Variants in ZSWIM6 observed in about 807,000 individuals in gnomAD.
ZSWIM6 encodes the protein zinc finger SWIM-type containing 6.
In ZSWIM6, 9 loss-of-function variants were observed where a neutral mutation model predicts 113.2. The observed-to-expected ratio is 0.08, with a 90% CI of 0.05 to 0.14. ZSWIM6 has a LOEUF of 0.14. ZSWIM6 is among the 10% of genes least tolerant of loss of function. The pLI is 1.00. For missense variants in ZSWIM6, 1,162 were observed against 1,552.2 expected, an observed-to-expected ratio of 0.75 and a Z score of 4.22; for synonymous variants, 611 against 606.5, an observed-to-expected ratio of 1.01 and a Z score of -0.11.
chr5:61,528,121 C>T lies in ZSWIM6; in HGVS notation c.1837+1725C>T, dbSNP rs189973849. On this transcript the variant is annotated intron_variant, in intron 7 of 13. Coordinates refer to ENST00000252744, the MANE Select transcript of ZSWIM6 (RefSeq NM_020928.2). Reference sequence around the variant, plus strand: ...ACTTTATTTTTGGTAATTGTTTTTCCGTATTTTAAAAATAGGCTTTTCCAT... The same window carrying T: ...ACTTTATTTTTGGTAATTGTTTTTCTGTATTTTAAAAATAGGCTTTTCCAT... 4.5e-4 allele frequency among the ~76,000 whole-genome samples: 68 copies of T among 151,840 alleles called. 1 individual carries two copies. Among genetic ancestry groups the T allele is most frequent in the South Asian group, 1.0e-3 (5 of 4,794 alleles).
chr5:61,417,649 A>T (rs1746283377), intron 1 of ZSWIM6, among the ~76,000 whole-genome samples: 1 of 152,238 alleles, frequency 6.6e-6, no homozygotes, highest in African/African-American at 2.4e-5. Context: ...TCATTACTGT[A>T]GCTAATCGGA....
At chr5:61,542,385 G>A (rs926538867) in intron 13 of ZSWIM6, among the ~76,000 whole-genome samples, 5 of 152,174 alleles carry the variant, frequency 3.3e-5, no homozygotes, top group African/African-American at 1.2e-4. Flanking sequence ...GCCATAAGAA[G>A]ATTTCCTGGC....
At chr5:61,343,247 A>T (rs932654957) in intron 1 of ZSWIM6, among the ~76,000 whole-genome samples, 3 of 152,186 alleles carry the variant, frequency 2.0e-5, no homozygotes, top group Non-Finnish European at 4.4e-5. Context: ...CTAACTGAAT[A>T]AGCTGATCAG....
intron 1 of ZSWIM6, among the ~76,000 whole-genome samples, chr5:61,345,368 G>T (rs918838390): frequency 2.0e-5 from 3 of 152,200 alleles, no homozygotes; most frequent in South Asian, 4.1e-4. Flanking sequence ...ATACACCCTA[G>T]AGCCAGTGTT....
chr5:61,406,529 A>G (rs181808794), intron 1 of ZSWIM6, among the ~76,000 whole-genome samples: 2 of 152,208 alleles, frequency 1.3e-5, no homozygotes, highest in Admixed American at 6.5e-5. Flanking sequence ...TGTTTTAACA[A>G]TGTTTTCAAC....
At chr5:61,469,474 GT>G (rs1332124080) in intron 1 of ZSWIM6, among the ~76,000 whole-genome samples, 2 of 152,114 alleles carry the variant, frequency 1.3e-5, no homozygotes, top group Non-Finnish European at 2.9e-5. Flanking sequence ...AATTTAAATT[GT>G]TTTGGAGGTC....
At chr5:61,483,750 G>A (rs1747941863) in intron 2 of ZSWIM6, among the ~76,000 whole-genome samples, 1 of 150,970 alleles carries the variant, frequency 6.6e-6, no homozygotes, top group Non-Finnish European at 1.5e-5. Context: ...GGTGGCGGCT[G>A]CCTGTAGTCC....
At position 61,541,835 on chromosome 5, in the gene ZSWIM6, A is replaced by G. The variant is rs775818193; in HGVS notation, c.2704-49A>G. On this transcript the variant is annotated intron_variant, in intron 12 of 13. Coordinates refer to ENST00000252744, the MANE Select transcript of ZSWIM6 (RefSeq NM_020928.2). ...TAGTTTATCCCCCCCCTTTTTTTTC[A>G]TTGACTCAGGATAATTTTCTAAAAC... is the stretch of plus-strand genomic sequence containing the variant. 3 of 1,443,456 alleles carry G rather than the reference A, an allele frequency of 2.1e-6. No homozygotes were observed. In the African/African-American group the frequency reaches 4.3e-5, roughly 21 times the overall value. The allele number at this position is 1,443,456 out of a possible 1,614,324, so 89.4% of individuals were successfully genotyped here.
intron 1 of ZSWIM6, among the ~76,000 whole-genome samples, chr5:61,422,614 A>G (rs1746376843): frequency 6.6e-6 from 1 of 152,056 alleles, no homozygotes; most frequent in Non-Finnish European, 1.5e-5. Flanking sequence ...CGTCATTGGC[A>G]TCTTGATTGG....
At chr5:61,464,659 C>T (rs1282230694) in intron 1 of ZSWIM6, among the ~76,000 whole-genome samples, 3 of 152,108 alleles carry the variant, frequency 2.0e-5, no homozygotes, top group Non-Finnish European at 2.9e-5. Flanking sequence ...TGCCAAAGGC[C>T]TACATTTCTC....
intron 1 of ZSWIM6, among the ~76,000 whole-genome samples, chr5:61,415,283 A>G (rs1271769579): frequency 6.6e-6 from 1 of 152,220 alleles, no homozygotes; most frequent in East Asian, 1.9e-4. Flanking sequence ...GATGTATGAC[A>G]TAGGAATATT....
At chr5:61,517,409 C>T (rs1347992801) in intron 4 of ZSWIM6, among the ~76,000 whole-genome samples, 1 of 152,080 alleles carries the variant, frequency 6.6e-6, no homozygotes, top group Admixed American at 6.6e-5. Context: ...TGCTATTGAT[C>T]CCATCCAGTT....
Position 61,531,560 on chromosome 5 carries a change from G to C in ZSWIM6, c.2080G>C (p.Val694Leu). The C allele has an allele frequency of 6.4e-7, 1 of 1,551,724 alleles. No homozygotes were observed. Among genetic ancestry groups the C allele is most frequent in the Non-Finnish European group, 8.7e-7 (1 of 1,146,968 alleles). ...ATCCTATTTAACGCTGGCTGTGGAA[G>C]TAGCCCTGATAGGGCTAGGACAGCA... Reference protein sequence around the residue: ...GESYLTLAVEVALIGLGQQRI... With the variant: ...GESYLTLAVELALIGLGQQRI... Residue 694 changes from valine to leucine, a missense_variant, in exon 9 of 14, where the codon GTA becomes CTA. This residue lies in a region of ZSWIM6 where 620 missense variants were observed against 804.6 expected (regional missense o/e 0.77). Transcript: ENST00000252744.
In ZSWIM6 at chr5:61,505,680, TTGCC is replaced by T. The variant is rs1272970309; in HGVS notation, c.1333+11272_1333+11275del. ...CTTCCTTCCTTCCTTCCTTCTTTCC[TTGCC>T]TCCCTCCCTCCCTTCCTTCCTCCCT... On this transcript the variant is annotated intron_variant, in intron 4 of 13. Transcript: ENST00000252744. Among the ~76,000 whole-genome samples the T allele has an allele frequency of 2.4e-3, 130 of 53,596 alleles. 9 individuals are homozygous for T. Among genetic ancestry groups the T allele is most frequent in the South Asian group, 3.8e-3 (5 of 1,324 alleles). The allele number at this position is 53,596 out of a possible 152,430, so 35.2% of individuals were successfully genotyped here. A position where few individuals can be genotyped will look rare whatever the true frequency, so the allele number is the denominator to read the frequency against.
rs1466658470 is a variant in ZSWIM6, at chr5:61,352,509, A to C, written c.676+19561A>C. ...CCAGGAGGAGGCATTGCTTTTATTC[A>C]GTGGTTCCATCTATCTATTGCTTCA... On this transcript the variant is annotated intron_variant, in intron 1 of 13. Transcript: ENST00000252744. Among the ~76,000 whole-genome samples the C allele has an allele frequency of 2.6e-5, 4 of 152,246 alleles. No homozygotes were observed. In the East Asian group the frequency reaches 7.7e-4, roughly 29 times the overall value.
At chr5:61,532,690 T>A (rs1749471377) in intron 9 of ZSWIM6, among the ~76,000 whole-genome samples, 1 of 152,222 alleles carries the variant, frequency 6.6e-6, no homozygotes. Flanking sequence ...AAAGGGAAAA[T>A]GCTCTTCAGG....
At chr5:61,453,882 G>A (rs1277869918) in intron 1 of ZSWIM6, among the ~76,000 whole-genome samples, 1 of 152,110 alleles carries the variant, frequency 6.6e-6, no homozygotes, top group East Asian at 1.9e-4. Flanking sequence ...AAGATACTTT[G>A]AGGCTATGCA....
intron 1 of ZSWIM6, among the ~76,000 whole-genome samples, chr5:61,346,405 T>A (rs555763526): frequency 2.6e-5 from 4 of 152,206 alleles, no homozygotes; most frequent in Non-Finnish European, 5.9e-5. Flanking sequence ...TTAGAGGTTA[T>A]AGTAGATAAT....
intron 1 of ZSWIM6, among the ~76,000 whole-genome samples, chr5:61,421,121 C>T (rs918324114): frequency 4.6e-5 from 7 of 152,026 alleles, no homozygotes; most frequent in Middle Eastern, 3.4e-3. Flanking sequence ...GGTTTTGCCA[C>T]GATGCCCAGG....
Sources: gnomAD v4.1 joint callset for allele counts (sites outside exome capture counted in the v4.1 genomes callset) on GRCh38, gnomAD v4.1.1 for gene constraint, gnomAD v4.1.1 regional missense constraint, MANE v1.5 for transcripts, NCBI Gene and HGNC (gene_info 2026-07-23, HGNC 2026-07-21) for gene names.